Variants in VWF observed in about 807,000 individuals in gnomAD.
The protein encoded by VWF is Factor VIII related antigen.
Under a neutral mutation model 308.6 loss-of-function variants are expected in VWF, and 176 were observed. The observed-to-expected ratio is 0.57, with a 90% CI of 0.50 to 0.65. The LOEUF is 0.65. Among genes scored for constraint, VWF ranks in the 30% least tolerant of loss-of-function variants. The pLI, the probability that VWF is intolerant of heterozygous loss-of-function variation, is 0.00. For synonymous variants in VWF, 1,385 were observed against 1,443.4 expected (o/e 0.96, Z 0.92); for missense variants, 3,146 against 3,648.2 (o/e 0.86, Z 3.55).
intron 35 of VWF, among the ~76,000 whole-genome samples, chr12:5,995,195 T>C (rs910595539): frequency 6.6e-6 from 1 of 152,306 alleles, no homozygotes; most frequent in Admixed American, 6.5e-5. Context: ...CTTTAAGTCT[T>C]CTTTGTGTGT....
chr12:6,079,755 CA>C (rs1944887308), intron 6 of VWF, among the ~76,000 whole-genome samples: 1 of 152,116 alleles, frequency 6.6e-6, no homozygotes, highest in Non-Finnish European at 1.5e-5. Flanking sequence ...GCAGGGTGTC[CA>C]AGCCCATATA....
intron 18 of VWF, 66 bp downstream of exon 18, chr12:6,044,225 C>T: frequency 2.5e-6 from 4 of 1,597,716 alleles, no homozygotes; most frequent in Non-Finnish European, 3.4e-6. Context: ...CTGCACAGCC[C>T]CCTCACTCAT....
rs1430138338 is a variant in VWF, at chr12:6,023,795, G to C, written c.3223-8C>G. 24 of 1,611,016 alleles carry C rather than the reference G, an allele frequency of 1.5e-5. No individual in the cohort carries two copies. The highest frequency in any genetic ancestry group is 2.0e-5 in the Non-Finnish European group (24 of 1,179,332). ...ATATGGCTCGGGGTCCACCTGCAAA[G>C]GCAGCCTCAGGTGGCCCAGGCCTAT... On this transcript the variant is annotated splice_polypyrimidine_tract_variant and splice_region_variant and intron_variant, in intron 24 of 51. Transcript: ENST00000261405.
chr12:5,959,677 GAAATT>G, intron 47 of VWF, among the ~76,000 whole-genome samples: 1 of 151,832 alleles, frequency 6.6e-6, no homozygotes. Context: ...TCAATATAAT[GAAATT>G]ATATTGAAAT....
At chr12:5,964,003 T>G (rs185376334) in intron 47 of VWF, among the ~76,000 whole-genome samples, 4 of 151,602 alleles carry the variant, frequency 2.6e-5, no homozygotes, top group Non-Finnish European at 4.4e-5. Flanking sequence ...GTCAGGAGAT[T>G]GAGACCATTC....
In VWF at chr12:5,949,091, G is replaced by A. The variant is rs371036946; in HGVS notation, c.8366C>T (p.Thr2789Ile). The change falls in exon 52 of 52, where the codon ACC becomes ATC. Residue 2789 changes from threonine to isoleucine, a missense_variant. By Grantham distance (89) the Thr-to-Ile change is moderately conservative. Transcript: ENST00000261405. ...CTCATGGTACACAACAGAGCCATTG[G>A]TGCAGTGCAGGGCCACCTGCATGGG... ...TEPMQVALHC[T>I]NGSVVYHEVL... 7.4e-6 allele frequency: 12 copies of A among 1,614,254 alleles called. No homozygotes were observed. Among genetic ancestry groups the A allele is most frequent in the Admixed American group, 1.7e-5 (1 of 60,034 alleles).
At chr12:6,106,185 G>C (rs1265596056) in intron 5 of VWF, among the ~76,000 whole-genome samples, 1 of 152,084 alleles carries the variant, frequency 6.6e-6, no homozygotes, top group Admixed American at 6.6e-5. Context: ...AAGTACGTAC[G>C]GTCTGTATGC....
chr12:5,995,081 C>G (rs1368245915), intron 35 of VWF, among the ~76,000 whole-genome samples: 2 of 152,074 alleles, frequency 1.3e-5, no homozygotes, highest in Non-Finnish European at 2.9e-5. Context: ...AGCTCATCAG[C>G]TATCGTTAGT....
At chr12:6,025,483 C>A in intron 24 of VWF, 97 bp downstream of exon 24, 1 of 979,622 alleles carries the variant, frequency 1.0e-6, no homozygotes, top group East Asian at 2.5e-5. Context: ...TGTCAAGACA[C>A]GAGGGTAGTG....
At chr12:6,103,539 T>C (rs904367422) in intron 5 of VWF, among the ~76,000 whole-genome samples, 1 of 107,912 alleles carries the variant, frequency 9.3e-6, no homozygotes, top group Non-Finnish European at 1.8e-5. Context: ...TATACACATA[T>C]ATGTATACAC....
intron 3 of VWF, among the ~76,000 whole-genome samples, chr12:6,120,059 G>A (rs778026967): frequency 1.7e-4 from 26 of 152,106 alleles, no homozygotes; most frequent in Non-Finnish European, 3.1e-4. Flanking sequence ...GCAGGAATGC[G>A]GGGAGCTCAT....
At chr12:5,964,928 G>A (rs911699657) in intron 47 of VWF, among the ~76,000 whole-genome samples, 4 of 152,344 alleles carry the variant, frequency 2.6e-5, no homozygotes, top group South Asian at 2.1e-4. Flanking sequence ...AAGCAAGGGA[G>A]GGAGGAGAGA....
At position 6,092,843 on chromosome 12, in the gene VWF, A is replaced by G. The variant is rs1293488526; in HGVS notation, c.657+2617T>C. On this transcript the variant is annotated intron_variant, in intron 6 of 51. Transcript: ENST00000261405. ...GTCTCCATCCCAAAATGAATGTGGG[A>G]CATATGTAACATGTATGTTTGCTTA... 2.0e-5 allele frequency among the ~76,000 whole-genome samples: 3 copies of G among 152,150 alleles called. No individual in the cohort carries two copies. In the East Asian group the frequency reaches 5.8e-4, roughly 29 times the overall value.
chr12:6,028,374 T>G (rs1944218957), intron 22 of VWF, among the ~76,000 whole-genome samples: 1 of 152,176 alleles, frequency 6.6e-6, no homozygotes, highest in Non-Finnish European at 1.5e-5. Flanking sequence ...TAAAGAAAAG[T>G]TGATATTGTC....
At chr12:6,104,812 T>C (rs1945222814) in intron 5 of VWF, among the ~76,000 whole-genome samples, 1 of 152,230 alleles carries the variant, frequency 6.6e-6, no homozygotes, top group African/African-American at 2.4e-5. Context: ...GTATATTTAT[T>C]GTGCATTATT....
chr12:5,959,233 G>A (rs760457813), intron 47 of VWF, among the ~76,000 whole-genome samples: 12 of 152,060 alleles, frequency 7.9e-5, no homozygotes, highest in Non-Finnish European at 1.3e-4. Flanking sequence ...AAAAAATAAA[G>A]GAGGTTATTT....
intron 51 of VWF, 100 bp downstream of exon 51, chr12:5,949,686 G>T: frequency 8.0e-7 from 1 of 1,250,284 alleles, no homozygotes; most frequent in Non-Finnish European, 1.2e-6. Context: ...TCTCTTCCCT[G>T]CGAATTTTCC....
rs1565830603 is a variant in VWF at position 6,016,664 on chromosome 12, G to A, written c.5171-8C>T. ...CCTGAGTGAGACGAGGCCCTAAACG[G>A]AACGAGAAAATGCGGATTATTTTGA... is the stretch of plus-strand genomic sequence containing the variant. On this transcript the variant is annotated splice_region_variant and splice_polypyrimidine_tract_variant and intron_variant, in intron 29 of 51. Coordinates refer to ENST00000261405, the MANE Select transcript of VWF (RefSeq NM_000552.5). 1 of 1,614,196 alleles carries A rather than the reference G, an allele frequency of 6.2e-7. No homozygotes were observed. The highest frequency in any genetic ancestry group is 8.5e-7 in the Non-Finnish European group (1 of 1,180,034).
At chr12:6,078,471 C>A (rs1045578920) in intron 6 of VWF, among the ~76,000 whole-genome samples, 1 of 152,204 alleles carries the variant, frequency 6.6e-6, no homozygotes, top group Admixed American at 6.5e-5. Context: ...CAGAGAATTA[C>A]GTCACTGAAC....
Sources: allele counts gnomAD v4.1 joint callset (sites outside exome capture counted in the v4.1 genomes callset), GRCh38; gene constraint gnomAD v4.1.1; transcripts MANE v1.5; gene names NCBI Gene and HGNC (gene_info 2026-07-23, HGNC 2026-07-21).